The following SEMA4G variants were observed in gnomAD, a reference collection of about 807,000 sequenced individuals.
The protein encoded by SEMA4G is semaphorin-4G.
Under a neutral mutation model 81.2 loss-of-function variants are expected in SEMA4G, and 59 were observed. The observed-to-expected ratio is 0.73, with a 90% confidence interval of 0.59 to 0.90. The LOEUF (loss-of-function observed/expected upper bound fraction) is 0.90, where lower values mean the gene tolerates loss of function less well. Ranked by LOEUF, SEMA4G falls within the 40% of genes least tolerant of loss-of-function variation. The probability of loss-of-function intolerance (pLI) is 0.00; values close to 1 mark genes in which losing one functional copy is unlikely to be tolerated. For missense variants in SEMA4G, 952 were observed against 1,102.3 expected (o/e 0.86, Z 1.93); for synonymous variants, 404 against 433.9 (o/e 0.93, Z 0.86).
intron 3 of SEMA4G, among the ~76,000 whole-genome samples, chr10:100,976,104 C>A (rs1589981668): frequency 6.6e-6 from 1 of 151,734 alleles, no homozygotes; most frequent in African/African-American, 2.4e-5. Flanking sequence ...GTGGCTTGTA[C>A]CAGGTGAGGG....
chr10:100,971,077 C>G (rs572487112), upstream of SEMA4G, among the ~76,000 whole-genome samples: 1 of 152,128 alleles, frequency 6.6e-6, no homozygotes, highest in East Asian at 1.9e-4. Context: ...GTGTGAATGA[C>G]CCCTGTGAAT....
chr10:100,984,057 G>A (rs769758760), exon 14 of SEMA4G: 8 of 1,613,708 alleles, frequency 5.0e-6, no homozygotes, highest in South Asian at 1.1e-5. Flanking sequence ...CTCCTTCGCC[G>A]AGGAACTCAG....
intron 13 of SEMA4G, chr10:100,981,580 A>C: frequency 6.2e-7 from 1 of 1,611,476 alleles, no homozygotes; most frequent in South Asian, 1.1e-5. Flanking sequence ...CACAGCTAAG[A>C]TGTATTAAGT....
rs1198554590 is a variant in SEMA4G, at chr10:100,972,743, A to AC, written c.-164dup. The AC allele has an allele frequency of 1.5e-5, 8 of 537,228 alleles. No homozygotes were observed. The highest frequency in any genetic ancestry group is 1.0e-4 in the South Asian group (4 of 38,268). The allele number at this position is 537,228 out of a possible 1,614,324, so 33.3% of individuals were successfully genotyped here. ...GACTCCATGTCCCCCCGATTCCAGG[A>AC]CCCCCCATGGCCCCATGATTCCTTG... On this transcript the variant is annotated 5_prime_UTR_variant, in exon 1 of 14. An upstream open reading frame in the 5' UTR gains an earlier in-frame stop. Coordinates refer to ENST00000370250, the Ensembl canonical transcript of SEMA4G.
intron 13 of SEMA4G, among the ~76,000 whole-genome samples, chr10:100,982,723 T>C (rs982500303): frequency 6.6e-6 from 1 of 151,608 alleles, no homozygotes; most frequent in African/African-American, 2.4e-5. Context: ...ACCAGGGAGG[T>C]GGAGGTTGCA....
chr10:100,980,414 G>C, intron 10 of SEMA4G, 70 bp downstream of exon 11: 1 of 1,488,542 alleles, frequency 6.7e-7, no homozygotes, highest in Non-Finnish European at 9.3e-7. Context: ...ATTAATTCCT[G>C]CCATGACTAG....
chr10:100,980,785 G>C, intron 11 of SEMA4G, 37 bp from the exon 13 acceptor site: 1 of 1,564,432 alleles, frequency 6.4e-7, no homozygotes, highest in Non-Finnish European at 8.6e-7. Flanking sequence ...TGTATGAGTG[G>C]GGACGCTGCC....
At chr10:100,970,223 G>GTGGA (rs1850591792), upstream of SEMA4G, among the ~76,000 whole-genome samples, 3 of 152,218 alleles carry the variant, frequency 2.0e-5, no homozygotes, top group African/African-American at 7.2e-5. Flanking sequence ...GGAACTTGGG[G>GTGGA]TGGAGTGTGG....
chr10:100,980,610 G>A (rs1400944443), exon 11 of SEMA4G: 1 of 1,614,194 alleles, frequency 6.2e-7, no homozygotes, highest in South Asian at 1.1e-5. Flanking sequence ...CGTAGTCCTG[G>A]GCTCTGGGAT....
At chr10:100,975,481 GAAGT>G (rs1236000162) in intron 3 of SEMA4G, among the ~76,000 whole-genome samples, 4 of 152,352 alleles carry the variant, frequency 2.6e-5, no homozygotes, top group Admixed American at 6.5e-5. Context: ...CAGGCTCTAG[GAAGT>G]AAGCCCAGTA....
Position 100,983,446 on chromosome 10 carries a change from G to A in SEMA4G, c.1832G>A (p.Arg611His), listed in dbSNP as rs144727154. ...CTGAGCGATGGGCAGGGTGGCTACC[G>A]TGTGGGCGTGGACGGGCTGCTGGTT... The change falls in exon 14 of 14, where the codon CGT (arginine) becomes CAT (histidine). Residue 611 changes from arginine to histidine, a missense_variant. Arg to His is a conservative substitution (Grantham distance 29). This residue lies in a region of SEMA4G where 385 missense variants were observed against 413.5 expected (regional missense o/e 0.93). Transcript: ENST00000370250. The A allele has an allele frequency of 2.5e-5, 41 of 1,613,934 alleles. No homozygotes were observed. Among genetic ancestry groups the A allele is most frequent in the East Asian group, 8.9e-5 (4 of 44,890 alleles).
chr10:100,975,056 A>G (rs774536431), intron 3 of SEMA4G: 4 of 534,106 alleles, frequency 7.5e-6, no homozygotes, highest in South Asian at 5.6e-5. Flanking sequence ...CTTCCATCAA[A>G]GGCTGCCTCT....
intron 8 of SEMA4G, 24 bp from the exon 10 acceptor site, chr10:100,979,824 C>T (rs1164546538): frequency 1.9e-6 from 3 of 1,611,602 alleles, no homozygotes; most frequent in Admixed American, 3.3e-5. Flanking sequence ...TAACTCACCC[C>T]CCTTGCCCTA....
chr10:100,984,056 C>A (rs141726768), exon 14 of SEMA4G: 1 of 1,613,690 alleles, frequency 6.2e-7, no homozygotes, highest in Non-Finnish European at 8.5e-7. Context: ...GCTCCTTCGC[C>A]GAGGAACTCA....
At chr10:100,972,103 A>T (rs201250595), upstream of SEMA4G, among the ~76,000 whole-genome samples, 4 of 152,310 alleles carry the variant, frequency 2.6e-5, no homozygotes, top group East Asian at 7.7e-4. Flanking sequence ...GGAAAGCAGG[A>T]CAAAATAAAC....
intron 13 of SEMA4G, among the ~76,000 whole-genome samples, chr10:100,982,988 A>G (rs1184466105): frequency 6.6e-6 from 1 of 152,220 alleles, no homozygotes; most frequent in Non-Finnish European, 1.5e-5. Flanking sequence ...AGCACATGGT[A>G]GATATCCGAG....
chr10:100,974,642 A>C (rs554775665), intron 3 of SEMA4G, among the ~76,000 whole-genome samples: 36 of 152,286 alleles, frequency 2.4e-4, no homozygotes, highest in Non-Finnish European at 4.6e-4. Context: ...AAATAGTATT[A>C]TCCTGCATTT....
At chr10:100,981,398 T>C (rs1851065098) in intron 13 of SEMA4G, 169 bp downstream of exon 14, 1 of 1,612,894 alleles carries the variant, frequency 6.2e-7, no homozygotes, top group Non-Finnish European at 8.5e-7. Flanking sequence ...AAACATTTAC[T>C]GCCCAAATGA....
chr10:100,971,789 G>T (rs1053045566), upstream of SEMA4G, among the ~76,000 whole-genome samples: 1 of 152,150 alleles, frequency 6.6e-6, no homozygotes, highest in Non-Finnish European at 1.5e-5. Flanking sequence ...TGTCGGGAGG[G>T]GCCAAGGGCT....
Sources: allele counts gnomAD v4.1 joint callset (sites outside exome capture counted in the v4.1 genomes callset), GRCh38; gene constraint gnomAD v4.1.1; regional missense constraint gnomAD v4.1.1; transcripts MANE v1.5; gene names NCBI Gene and HGNC (gene_info 2026-07-23, HGNC 2026-07-21).